Variants in ZNF550 observed in about 807,000 individuals in gnomAD.
ZNF550 encodes zinc finger protein 550.
A neutral mutation model predicts 40.2 loss-of-function variants in ZNF550; 42 were observed. That is an observed-to-expected ratio of 1.05 (90% CI 0.82 to 1.35). The LOEUF (loss-of-function observed/expected upper bound fraction) is 1.35. Among genes scored for constraint, ZNF550 ranks in the 40% most tolerant of loss-of-function variants. The pLI is 0.00. For missense variants in ZNF550, 549 were observed against 525.2 expected, an observed-to-expected ratio of 1.05 and a Z score of -0.44; for synonymous variants, 223 against 198.6, an observed-to-expected ratio of 1.12 and a Z score of -1.03.
intron 3 of ZNF550, among the ~76,000 whole-genome samples, chr19:57,549,437 C>T (rs373693182): frequency 3.0e-4 from 45 of 152,080 alleles, no homozygotes; most frequent in Admixed American, 7.9e-4. Context: ...AAGAGCAAAA[C>T]TCTGTCTCAA....
chr19:57,555,876 A>G (rs1302297417), intron 2 of ZNF550: 6 of 297,396 alleles, frequency 2.0e-5, no homozygotes, highest in Admixed American at 4.7e-5. Flanking sequence ...ACTGAGGACA[A>G]ATGTCTTCTG....
chr19:57,546,348 TAAA>T (rs747779325), intron 4 of ZNF550: 180 of 265,300 alleles, frequency 6.8e-4, no homozygotes, highest in Non-Finnish European at 9.5e-4. Flanking sequence ...GAATGTATGT[TAAA>T]AAAAAAAAAA....
intron 1 of ZNF550, chr19:57,557,051 G>A (rs891154763): frequency 6.6e-6 from 1 of 152,206 alleles, no homozygotes; most frequent in Admixed American, 6.6e-5. Context: ...ATTGTCCAAG[G>A]TTTCCCCCCA....
chr19:57,552,650 C>G, exon 3 of ZNF550: 1 of 1,597,878 alleles, frequency 6.3e-7, no homozygotes, highest in Non-Finnish European at 8.5e-7. Flanking sequence ...ATGTGAGAGG[C>G]CTCTCTTCAC....
chr19:57,557,087 G>A (rs372641774), intron 1 of ZNF550: 124 of 152,070 alleles, frequency 8.2e-4, no homozygotes, highest in Non-Finnish European at 1.3e-3. Context: ...ATGTGGCCTC[G>A]TGGGAAGGGA....
exon 4 of ZNF550, chr19:57,546,718 C>G: frequency 8.1e-7 from 1 of 1,231,404 alleles, no homozygotes; most frequent in Non-Finnish European, 1.0e-6. Context: ...CCACATTTCC[C>G]CCTGGTATGA....
chr19:57,552,767 A>G, intron 2 of ZNF550, 45 bp from the exon 3 acceptor site: 1 of 1,431,642 alleles, frequency 7.0e-7, no homozygotes. Flanking sequence ...TTAATGAGAA[A>G]ATGAAAGTCT....
chr19:57,552,959 T>G (rs73060407), intron 2 of ZNF550: 81,379 of 438,900 alleles, frequency 0.19, 7,929 homozygotes, highest in Middle Eastern at 0.22. Context: ...AGACAGGATC[T>G]TTAGAAGGTA....
exon 4 of ZNF550, chr19:57,547,907 G>C (rs1247436403): frequency 6.2e-7 from 1 of 1,614,108 alleles, no homozygotes; most frequent in Admixed American, 1.7e-5. Flanking sequence ...GAAGATTCCA[G>C]AGTCAGGCTT....
intron 1 of ZNF550, among the ~76,000 whole-genome samples, chr19:57,557,786 G>T (rs888050971): frequency 5.0e-4 from 76 of 152,166 alleles, no homozygotes; most frequent in African/African-American, 1.7e-3. Context: ...ACTTAAATCA[G>T]GCCTCCTGAA....
chr19:57,545,398 C>T (rs146594388), intron 4 of ZNF550, among the ~76,000 whole-genome samples: 155 of 152,172 alleles, frequency 1.0e-3, no homozygotes, highest in Admixed American at 1.6e-3. Context: ...AATTCAATCC[C>T]TAGAAAAATG....
chr19:57,541,927 A>AAGAT (rs1300156818), exon 5 of ZNF550: 2 of 152,212 alleles, frequency 1.3e-5, no homozygotes, highest in Non-Finnish European at 2.9e-5. Context: ...CAAGAGACTG[A>AAGAT]AGATAAATAC....
At chr19:57,560,634 G>T (rs2090160610), upstream of ZNF550, among the ~76,000 whole-genome samples, 1 of 152,118 alleles carries the variant, frequency 6.6e-6, no homozygotes, top group Non-Finnish European at 1.5e-5. Flanking sequence ...CTAATTAGGG[G>T]GTGGGATAAT....
chr19:57,559,533 T>TA, intron 1 of ZNF550, 123 bp downstream of exon 1: 1 of 975,084 alleles, frequency 1.0e-6, no homozygotes, highest in Non-Finnish European at 1.4e-6. Flanking sequence ...GACCCCCTTC[T>TA]AGGCCTCTAA....
Position 57,554,695 on chromosome 19 carries a change from A to T in ZNF550, c.154+1536T>A, listed in dbSNP as rs2090104045. On this transcript the variant is annotated intron_variant, in intron 2 of 4. Coordinates refer to ENST00000457177, the Ensembl canonical transcript of ZNF550. This position sits in a 1 kb window ranked among gnomAD's most constrained non-coding sequence, Gnocchi z 4.5. ...CCCAGGATTCCTTCAGACATGTCAC[A>T]GTAAGGTCCACCAATGTGTGCTACA... is the stretch of plus-strand genomic sequence containing the variant. 2 of 152,280 alleles carry T rather than the reference A, an allele frequency of 1.3e-5. No homozygotes were observed. The highest frequency in any genetic ancestry group is 1.3e-4 in the Admixed American group (2 of 15,282). 9.4% of individuals were successfully genotyped at this position (152,280 alleles called of 1,614,324 possible). A position where few individuals can be genotyped will look rare whatever the true frequency, so the allele number is the denominator to read the frequency against.
exon 5 of ZNF550, chr19:57,542,946 AACAC>A (rs1483495718): frequency 6.6e-6 from 1 of 152,226 alleles, no homozygotes; most frequent in Non-Finnish European, 1.5e-5. Flanking sequence ...TGGAGACACA[AACAC>A]TTAACATTGC....
upstream of ZNF550, chr19:57,559,926 T>A (rs1311976824): frequency 2.4e-6 from 1 of 414,972 alleles, no homozygotes; most frequent in East Asian, 3.5e-5. Flanking sequence ...TTCTAGGTAA[T>A]GTAGTCTTGT....
exon 4 of ZNF550, chr19:57,547,688 C>T: frequency 6.2e-7 from 1 of 1,614,194 alleles, no homozygotes; most frequent in Non-Finnish European, 8.5e-7. Context: ...TGCTGTGAGT[C>T]ACATTCATGG....
chr19:57,556,064 G>A, intron 2 of ZNF550, 167 bp downstream of exon 2: 1 of 831,260 alleles, frequency 1.2e-6, no homozygotes, highest in East Asian at 2.7e-5. Flanking sequence ...GTGTTAAAAG[G>A]ACATTTTCTA....
Sources: allele counts gnomAD v4.1 joint callset (sites outside exome capture counted in the v4.1 genomes callset), GRCh38; gene constraint gnomAD v4.1.1; non-coding constraint Gnocchi (gnomAD v3.1); transcripts MANE v1.5; gene names NCBI Gene and HGNC (gene_info 2026-07-23, HGNC 2026-07-21).